Variants in VIL1 observed in about 807,000 individuals in gnomAD.
VIL1 encodes the protein villin-1.
In VIL1, 86 loss-of-function variants were observed where a neutral mutation model predicts 104.0. The observed-to-expected ratio is 0.83, with a 90% confidence interval of 0.69 to 0.99. VIL1 has a LOEUF of 0.99. Among genes scored for constraint, VIL1 ranks in the 50% least tolerant of loss-of-function variants. The pLI, the probability that VIL1 is intolerant of heterozygous loss-of-function variation, is 0.00. For missense variants in VIL1, 944 were observed against 1,054.1 expected (o/e 0.90, Z 1.45); for synonymous variants, 394 against 412.6 (o/e 0.95, Z 0.55).
At chr2:218,419,759 A>G (rs373363984) in intron 1 of VIL1, among the ~76,000 whole-genome samples, 1 of 152,118 alleles carries the variant, frequency 6.6e-6, no homozygotes, top group Non-Finnish European at 1.5e-5. Context: ...CCACCCTAGC[A>G]TGCACCTCTG....
chr2:218,448,268 A>C (rs1689398569), intron 19 of VIL1, among the ~76,000 whole-genome samples: 1 of 151,768 alleles, frequency 6.6e-6, no homozygotes, highest in Non-Finnish European at 1.5e-5. Context: ...AAAAAACAAA[A>C]CAACAAAAAA....
At chr2:218,424,222 G>A (rs1276150958) in intron 2 of VIL1, 55 bp from the exon 3 acceptor site, 2 of 1,546,852 alleles carry the variant, frequency 1.3e-6, no homozygotes, top group African/African-American at 2.7e-5. Context: ...CTCCTCCCAG[G>A]CCTAGGGGTC....
Position 218,423,760 on chromosome 2 carries a change from T to C in VIL1, c.-11-8T>C, listed in dbSNP as rs1229047860. On this transcript the variant is annotated splice_polypyrimidine_tract_variant and splice_region_variant and intron_variant, in intron 1 of 19. Coordinates refer to ENST00000248444, the MANE Select transcript of VIL1 (RefSeq NM_007127.3). ...GGGTGCCCCTGCTCCCAACGCCTTC[T>C]CCCCCAGGCTCACTCACCATGACCA... 4 of 1,613,768 alleles carry C rather than the reference T, an allele frequency of 2.5e-6. No individual in the cohort carries two copies. The highest frequency in any genetic ancestry group is 1.1e-5 in the South Asian group (1 of 91,074).
intron 19 of VIL1, 142 bp downstream of exon 19, chr2:218,441,004 C>A: frequency 1.0e-6 from 1 of 986,796 alleles, no homozygotes; most frequent in Non-Finnish European, 1.5e-6. Context: ...CCTTATATCC[C>A]AGGAGGAGAG....
At chr2:218,425,077 GTATT>G (rs1397385379) in intron 3 of VIL1, among the ~76,000 whole-genome samples, 6 of 150,964 alleles carry the variant, frequency 4.0e-5, no homozygotes, top group African/African-American at 1.5e-4. Context: ...TTTATTTTAT[GTATT>G]TATTATTATT....
At chr2:218,424,193 C>A in intron 2 of VIL1, 84 bp from the exon 3 acceptor site, 1 of 1,225,662 alleles carries the variant, frequency 8.2e-7, no homozygotes, top group Non-Finnish European at 1.2e-6. Context: ...TTGTCTCCGA[C>A]GCCTCCTCCC....
intron 3 of VIL1, among the ~76,000 whole-genome samples, chr2:218,424,920 A>G (rs2004349): frequency 0.42 from 63,827 of 151,886 alleles, 13,565 homozygotes; most frequent in African/African-American, 0.45. Context: ...TCAGCCTCCC[A>G]AAATGCTGGG....
chr2:218,420,566 T>C (rs1241266564), intron 1 of VIL1, among the ~76,000 whole-genome samples: 2 of 147,418 alleles, frequency 1.4e-5, no homozygotes, highest in Non-Finnish European at 3.0e-5. Context: ...CCTTTCAGCA[T>C]CATGAGTATT....
intron 16 of VIL1, 63 bp downstream of exon 16, chr2:218,436,689 G>A (rs1002715518): frequency 3.2e-6 from 5 of 1,571,062 alleles, no homozygotes; most frequent in Non-Finnish European, 4.3e-6. Context: ...CCAAGAAAGA[G>A]TGGCTTTAAG....
chr2:218,425,333 G>A lies in VIL1; in HGVS notation c.151-282G>A, dbSNP rs1353355499. On this transcript the variant is annotated intron_variant, in intron 3 of 19. Transcript: ENST00000248444. The stretch of plus-strand genomic sequence containing the variant: ...TGACCTCAGGTGATCCACTTGCCTC[G>A]ACCTCCCAAAGTGCTGGGATTACAG... Among the ~76,000 whole-genome samples the A allele has an allele frequency of 3.3e-5, 5 of 152,012 alleles. No homozygotes were observed. In the South Asian group the frequency reaches 8.3e-4, roughly 25 times the overall value.
At chr2:218,442,485 A>T (rs917456446) in intron 19 of VIL1, among the ~76,000 whole-genome samples, 7 of 151,990 alleles carry the variant, frequency 4.6e-5, no homozygotes, top group African/African-American at 1.2e-4. Context: ...ACTTTTTTTT[A>T]AATTTTAGAT....
In VIL1 at chr2:218,436,513, C is replaced by CG; in HGVS notation, c.1860dup (p.Leu621AlafsTer3). The stretch of plus-strand genomic sequence containing the variant: ...GGAAGAAAACCTGGTCATCACCCCC[C>CG]GGCTCTTTGAGTGTTCCAACAAGAC... On this transcript the variant is annotated frameshift_variant, in exon 16 of 20. Coordinates refer to ENST00000248444, the MANE Select transcript of VIL1 (RefSeq NM_007127.3). LOFTEE classifies it high-confidence loss of function. The CG allele has an allele frequency of 1.2e-6, 2 of 1,614,066 alleles. No homozygotes were observed. Among genetic ancestry groups the CG allele is most frequent in the Non-Finnish European group, 1.7e-6 (2 of 1,180,010 alleles).
At chr2:218,437,680 G>A (rs79127626) in intron 17 of VIL1, among the ~76,000 whole-genome samples, 2 of 152,226 alleles carry the variant, frequency 1.3e-5, no homozygotes, top group African/African-American at 2.4e-5. Context: ...AGGTGAGAAT[G>A]TTCTCATCAT....
intron 1 of VIL1, among the ~76,000 whole-genome samples, chr2:218,420,666 G>A (rs1336840565): frequency 6.6e-6 from 1 of 150,382 alleles, no homozygotes; most frequent in Non-Finnish European, 1.5e-5. Flanking sequence ...GCTCACTGCA[G>A]GCTCCACCCC....
intron 1 of VIL1, among the ~76,000 whole-genome samples, chr2:218,422,630 T>A (rs561136413): frequency 6.6e-6 from 1 of 152,168 alleles, no homozygotes; most frequent in Non-Finnish European, 1.5e-5. Context: ...AGTTTCTAAG[T>A]ACTAAAAGGC....
intron 14 of VIL1, 126 bp downstream of exon 14, chr2:218,434,831 C>T (rs753448709): frequency 1.6e-5 from 16 of 1,022,036 alleles, no homozygotes; most frequent in East Asian, 1.1e-4. Flanking sequence ...AATTCTCAGC[C>T]GCCTCTGGAG....
chr2:218,428,082 G>A lies in VIL1; in HGVS notation c.456+9G>A, dbSNP rs368182850. The A allele has an allele frequency of 1.0e-4, 167 of 1,613,770 alleles. 2 individuals are homozygous for A. In the South Asian group the frequency reaches 1.4e-3, roughly 14 times the overall value. ...ACGTGGTAGCTGGAGAGGTAGGCAGGCCCCACTGGAGCATCGGCCAGGGCT... is the reference window on the plus strand; with the variant it reads ...ACGTGGTAGCTGGAGAGGTAGGCAGACCCCACTGGAGCATCGGCCAGGGCT... On this transcript the variant is annotated intron_variant, in intron 5 of 19. Transcript: ENST00000248444.
chr2:218,420,567 C>A, intron 1 of VIL1, among the ~76,000 whole-genome samples: 2 of 147,534 alleles, frequency 1.4e-5, no homozygotes, highest in African/African-American at 2.5e-5. Context: ...CTTTCAGCAT[C>A]ATGAGTATTT....
Position 218,429,615 on chromosome 2 carries a change from G to A in VIL1, c.789G>A (p.Gly263=), listed in dbSNP as rs1180249989. ...LKLYHVSDSE[G]NLVVREVATR... ...CCTGCAGTGTGTCTGACTCCGAGGG[G>A]AATCTGGTGGTGAGGGAAGTCGCCA... Residue 263 remains glycine, a synonymous_variant, in exon 8 of 20, where the codon GGG becomes GGA. Coordinates refer to ENST00000248444, the MANE Select transcript of VIL1 (RefSeq NM_007127.3). The A allele has an allele frequency of 3.7e-6, 6 of 1,614,016 alleles. No individual in the cohort carries two copies. The highest frequency in any genetic ancestry group is 5.1e-6 in the Non-Finnish European group (6 of 1,180,040).
Sources: gnomAD v4.1 joint callset for allele counts (sites outside exome capture counted in the v4.1 genomes callset) on GRCh38, gnomAD v4.1.1 for gene constraint, MANE v1.5 for transcripts, NCBI Gene and HGNC (gene_info 2026-07-23, HGNC 2026-07-21) for gene names.